Variants in GNAQ observed in about 807,000 individuals in gnomAD.
The protein encoded by GNAQ is guanine nucleotide-binding protein G(q) subunit alpha.
Under a neutral mutation model 43.9 loss-of-function variants are expected in GNAQ, and 8 were observed. The ratio of observed to expected loss-of-function variants is 0.18; its 90% CI spans 0.11 to 0.33. The LOEUF is 0.33. Ranked by LOEUF, GNAQ falls within the 10% of genes least tolerant of loss-of-function variation. The pLI is 1.00. For synonymous variants in GNAQ, 155 were observed against 170.7 expected (o/e 0.91, Z 0.71); for missense variants, 158 against 450.8 (o/e 0.35, Z 5.88).
chr9:77,996,188 G>C (rs1282231136), intron 1 of GNAQ, among the ~76,000 whole-genome samples: 1 of 152,196 alleles, frequency 6.6e-6, no homozygotes, highest in Admixed American at 6.5e-5. Context: ...ATGCTTTGCT[G>C]TTCCCAGGAC....
chr9:77,872,804 A>C (rs566355965), intron 2 of GNAQ, among the ~76,000 whole-genome samples: 1 of 152,322 alleles, frequency 6.6e-6, no homozygotes, highest in Non-Finnish European at 1.5e-5. Flanking sequence ...ATACACAGAC[A>C]CATGAAAGGG....
At chr9:77,899,303 G>A (rs1828554932) in intron 2 of GNAQ, among the ~76,000 whole-genome samples, 1 of 151,918 alleles carries the variant, frequency 6.6e-6, no homozygotes, top group Non-Finnish European at 1.5e-5. Flanking sequence ...CACCATCTTG[G>A]CAAGGTTGGT....
intron 2 of GNAQ, among the ~76,000 whole-genome samples, chr9:77,899,201 A>G (rs1438637193): frequency 6.6e-6 from 1 of 152,092 alleles, no homozygotes; most frequent in Non-Finnish European, 1.5e-5. Flanking sequence ...GGTTCAAGCT[A>G]TTCTCCTGCC....
intron 2 of GNAQ, among the ~76,000 whole-genome samples, chr9:77,818,229 T>C (rs1417165997): frequency 6.6e-6 from 1 of 152,164 alleles, no homozygotes; most frequent in Non-Finnish European, 1.5e-5. Flanking sequence ...TAAGTCACTT[T>C]TACTGCCTCC....
intron 2 of GNAQ, among the ~76,000 whole-genome samples, chr9:77,914,553 T>C (rs1316126678): frequency 1.3e-5 from 2 of 151,996 alleles, no homozygotes; most frequent in Non-Finnish European, 2.9e-5. Context: ...TCCCAGCTAC[T>C]TGGGAGGCTG....
chr9:77,858,138 T>C (rs1827790127), intron 2 of GNAQ, among the ~76,000 whole-genome samples: 1 of 152,134 alleles, frequency 6.6e-6, no homozygotes, highest in Non-Finnish European at 1.5e-5. Context: ...AACCCTGGCA[T>C]GAGGAGTATC....
chr9:77,859,488 T>C (rs1827810253), intron 2 of GNAQ, among the ~76,000 whole-genome samples: 1 of 152,230 alleles, frequency 6.6e-6, no homozygotes, highest in Non-Finnish European at 1.5e-5. Flanking sequence ...AAGCCATCAG[T>C]ATGAAACCTG....
At chr9:77,998,556 C>T (rs1022239047) in intron 1 of GNAQ, among the ~76,000 whole-genome samples, 6 of 152,176 alleles carry the variant, frequency 3.9e-5, no homozygotes, top group African/African-American at 9.7e-5. Context: ...AAAAGGTACA[C>T]ATATACCACT....
intron 5 of GNAQ, among the ~76,000 whole-genome samples, chr9:77,742,858 G>A: frequency 6.6e-6 from 1 of 152,292 alleles, no homozygotes; most frequent in South Asian, 2.1e-4. Flanking sequence ...TGAATACATG[G>A]ACAAATGCCA....
intron 1 of GNAQ, among the ~76,000 whole-genome samples, chr9:78,021,214 C>A (rs899602413): frequency 1.3e-4 from 20 of 152,108 alleles, no homozygotes; most frequent in Admixed American, 5.9e-4. Flanking sequence ...TTGGTAGAGA[C>A]CAGGTCTCAC....
chr9:77,760,397 C>G (rs1440326974), intron 5 of GNAQ, among the ~76,000 whole-genome samples: 1 of 152,084 alleles, frequency 6.6e-6, no homozygotes, highest in Non-Finnish European at 1.5e-5. Flanking sequence ...TTGGTGGAGA[C>G]GGGGTTTCGC....
chr9:77,724,786 T>C (rs549052112), intron 6 of GNAQ, among the ~76,000 whole-genome samples: 41 of 152,300 alleles, frequency 2.7e-4, no homozygotes, highest in Middle Eastern at 6.8e-3. Context: ...GTGCCCAGAA[T>C]TCAATTTTTT....
intron 1 of GNAQ, among the ~76,000 whole-genome samples, chr9:78,022,231 C>T (rs774991100): frequency 2.4e-4 from 37 of 152,290 alleles, no homozygotes; most frequent in Non-Finnish European, 4.9e-4. Flanking sequence ...CAAGCTTAGA[C>T]CCTTCATCCA....
chr9:77,927,691 G>C (rs1437544096), intron 1 of GNAQ, among the ~76,000 whole-genome samples: 1 of 151,984 alleles, frequency 6.6e-6, no homozygotes, highest in Non-Finnish European at 1.5e-5. Context: ...TGCCAAAACA[G>C]TTACCAAAAC....
In GNAQ at chr9:78,031,125, G is replaced by A; in HGVS notation, c.111C>T (p.Arg37=). 6.5e-7 allele frequency: 1 copy of A among 1,533,170 alleles called. No individual in the cohort carries two copies. Among genetic ancestry groups the A allele is most frequent in the Non-Finnish European group, 8.8e-7 (1 of 1,140,700 alleles). 95.0% of individuals were successfully genotyped at this position (1,533,170 alleles called of 1,614,324 possible). A position where few individuals can be genotyped will look rare whatever the true frequency, so the allele number is the denominator to read the frequency against. ...CGAGCAGCAGCAGCTTGAGCTCCCG[G>A]CGGGCGTCCCGCTTGTCCCTGCGGA... ...RQLRRDKRDA[R]RELKLLLLGT... The change falls in exon 1 of 7, where the codon CGC becomes CGT. Residue 37 remains arginine (R), a synonymous_variant. Transcript: ENST00000286548.
At chr9:77,756,170 T>C (rs1164085317) in intron 5 of GNAQ, among the ~76,000 whole-genome samples, 1 of 152,230 alleles carries the variant, frequency 6.6e-6, no homozygotes, top group Non-Finnish European at 1.5e-5. Context: ...GCTCCTCAGC[T>C]TGCAGGTGGC....
rs536545203 is a variant in GNAQ at position 77,827,411 on chromosome 9, T to C, written c.322-11641A>G. 3.3e-5 allele frequency among the ~76,000 whole-genome samples: 5 copies of C among 151,742 alleles called. No individual in the cohort carries two copies. The South Asian group carries it at 1.0e-3, about 32-fold the overall frequency. On this transcript the variant is annotated intron_variant, in intron 2 of 6. Coordinates refer to ENST00000286548, the MANE Select transcript of GNAQ (RefSeq NM_002072.5). ...AAAAAAAAAAAAAAAACTGAGCAAC[T>C]TGCATTGCTTTTTCAAGGAGATAAA... is the stretch of plus-strand genomic sequence containing the variant.
intron 1 of GNAQ, among the ~76,000 whole-genome samples, chr9:77,924,802 A>G (rs1425044694): frequency 6.6e-6 from 1 of 152,056 alleles, no homozygotes; most frequent in African/African-American, 2.4e-5. Flanking sequence ...CAACTCTAAG[A>G]TATTTTCCTG....
intron 2 of GNAQ, among the ~76,000 whole-genome samples, chr9:77,857,956 A>G (rs1013179615): frequency 2.6e-5 from 4 of 152,048 alleles, no homozygotes; most frequent in African/African-American, 9.7e-5. Context: ...AAACTCCCCA[A>G]AAGCTTTTTT....
Sources: allele counts gnomAD v4.1 joint callset (sites outside exome capture counted in the v4.1 genomes callset), GRCh38; gene constraint gnomAD v4.1.1; transcripts MANE v1.5; gene names NCBI Gene and HGNC (gene_info 2026-07-23, HGNC 2026-07-21).